The following RBM39 variants were observed in gnomAD, a reference collection of about 807,000 sequenced individuals.
RBM39 encodes RNA-binding protein 39.
Under a neutral mutation model 79.6 loss-of-function variants are expected in RBM39, and 12 were observed. The observed-to-expected ratio is 0.15, with a 90% confidence interval of 0.10 to 0.24. The LOEUF is 0.24. RBM39 is among the 10% of genes least tolerant of loss of function. The pLI is 1.00. For missense variants in RBM39, 243 were observed against 653.4 expected (o/e 0.37, Z 6.85); for synonymous variants, 185 against 208.4 (o/e 0.89, Z 0.97).
chr20:35,725,222 T>C, intron 6 of RBM39, 67 bp from the exon 7 acceptor site: 1 of 1,125,142 alleles, frequency 8.9e-7, no homozygotes, highest in Non-Finnish European at 1.3e-6. Flanking sequence ...ATCTTTTTTA[T>C]TTCTTCATAT....
intron 10 of RBM39, among the ~76,000 whole-genome samples, chr20:35,716,505 T>C (rs1370987692): frequency 6.6e-6 from 1 of 152,208 alleles, no homozygotes; most frequent in Non-Finnish European, 1.5e-5. Context: ...ATGATTTGGT[T>C]TTCACATTCA....
intron 8 of RBM39, among the ~76,000 whole-genome samples, chr20:35,723,160 A>G (rs1270575070): frequency 1.3e-5 from 2 of 152,050 alleles, no homozygotes; most frequent in Non-Finnish European, 2.9e-5. Context: ...TGTATATGCC[A>G]TAACATAAAA....
At chr20:35,712,532 A>C (rs1237503845) in intron 12 of RBM39, among the ~76,000 whole-genome samples, 1 of 151,704 alleles carries the variant, frequency 6.6e-6, no homozygotes, top group East Asian at 1.9e-4. Context: ...TAATTGTAAA[A>C]ACGTCAATTC....
At chr20:35,705,635 T>G (rs1468857215) in intron 14 of RBM39, among the ~76,000 whole-genome samples, 1 of 151,782 alleles carries the variant, frequency 6.6e-6, no homozygotes, top group Non-Finnish European at 1.5e-5. Flanking sequence ...CGGTCTCTAC[T>G]GAAAATCCAA....
intron 3 of RBM39, chr20:35,732,784 A>G (rs906663210): frequency 1.3e-5 from 2 of 152,336 alleles, no homozygotes; most frequent in Admixed American, 6.5e-5. Context: ...CAAAAGCATT[A>G]CTGTAATCCA....
chr20:35,713,418 C>G (rs573909388), intron 11 of RBM39: 2 of 187,838 alleles, frequency 1.1e-5, no homozygotes, highest in South Asian at 1.9e-4. Context: ...CTCCCCCTCC[C>G]AAGTTCAAGT....
chr20:35,722,461 T>TTTTTTTTG (rs1168931872), intron 8 of RBM39, among the ~76,000 whole-genome samples: 4 of 144,936 alleles, frequency 2.8e-5, no homozygotes, highest in Admixed American at 2.7e-4. Context: ...TTAGAGGCTT[T>TTTTTTTTG]TTTTTTTTTT....
Position 35,703,826 on chromosome 20 carries a change from C to A in RBM39, c.*655G>T, listed in dbSNP as rs1483556261. ...CCTATTTCTTTCTCAGACTGCTTTG[C>A]CTACCAGACTCTCACGTTTAAACAT... is the stretch of plus-strand genomic sequence containing the variant. On this transcript the variant is annotated 3_prime_UTR_variant, in exon 17 of 17. Transcript: ENST00000253363. 1 of 152,386 alleles carries A rather than the reference C, an allele frequency of 6.6e-6. No homozygotes were observed. Among genetic ancestry groups the A allele is most frequent in the Non-Finnish European group, 1.5e-5 (1 of 68,052 alleles). The allele number at this position is 152,386 out of a possible 1,614,324, so 9.4% of individuals were successfully genotyped here.
At chr20:35,731,771 T>C (rs2146686928) in intron 4 of RBM39, 170 bp downstream of exon 4, 1 of 699,022 alleles carries the variant, frequency 1.4e-6, no homozygotes, top group South Asian at 1.9e-5. Context: ...TATTTGTCTA[T>C]GCACTGTATT....
chr20:35,717,525 G>C (rs2037301519), intron 9 of RBM39, among the ~76,000 whole-genome samples: 1 of 152,000 alleles, frequency 6.6e-6, no homozygotes, highest in South Asian at 2.1e-4. Context: ...AATTATACCA[G>C]ACAGAATCGT....
chr20:35,732,236 T>C (rs1266554375), intron 3 of RBM39, 101 bp from the exon 4 acceptor site: 2 of 1,157,808 alleles, frequency 1.7e-6, no homozygotes, highest in Admixed American at 4.1e-5. Flanking sequence ...TTCATAAATT[T>C]CTTTGGCTAG....
intron 9 of RBM39, among the ~76,000 whole-genome samples, chr20:35,718,361 T>G (rs1472722868): frequency 1.3e-5 from 2 of 151,594 alleles, no homozygotes; most frequent in Admixed American, 1.3e-4. Flanking sequence ...GATAAGATAT[T>G]CTAGGAGCAT....
At chr20:35,726,079 A>G (rs557546161) in intron 6 of RBM39, among the ~76,000 whole-genome samples, 1 of 152,346 alleles carries the variant, frequency 6.6e-6, no homozygotes, top group East Asian at 1.9e-4. Flanking sequence ...CACATCTTAC[A>G]TGGCATTAGC....
chr20:35,736,612 T>A (rs1040867895), intron 3 of RBM39: 3 of 467,446 alleles, frequency 6.4e-6, no homozygotes, highest in African/African-American at 4.0e-5. Context: ...AATGGCTATT[T>A]TTCTCTCGTT....
In RBM39 at chr20:35,742,009, T is replaced by C. The variant is rs543109948; in HGVS notation, c.-82A>G. 4.8e-4 allele frequency: 114 copies of C among 238,264 alleles called. 2 individuals carry two copies. Among genetic ancestry groups the C allele is most frequent in the South Asian group, 2.9e-3 (69 of 23,746 alleles). 14.8% of individuals were successfully genotyped at this position (238,264 alleles called of 1,614,324 possible). A position where few individuals can be genotyped will look rare whatever the true frequency, so the allele number is the denominator to read the frequency against. On this transcript the variant is annotated 5_prime_UTR_variant, in exon 1 of 17. Transcript: ENST00000253363. Reference sequence around the variant, plus strand: ...AGATTGCTGCTGCTGCTGCTGCTGCTGCCGCCGCCGCCGCTTCTGTTGCTA... The same window carrying C: ...AGATTGCTGCTGCTGCTGCTGCTGCCGCCGCCGCCGCCGCTTCTGTTGCTA...
rs370217757 is a variant in RBM39 at position 35,701,646 on chromosome 20, C to G, written c.*2835G>C. On this transcript the variant is annotated 3_prime_UTR_variant, in exon 17 of 17. Coordinates refer to ENST00000253363, the MANE Select transcript of RBM39 (RefSeq NM_184234.3). Reference sequence around the variant, plus strand: ...ACACGCGCCTGTATTCCCAGCTACTCGGGAGGCTGAGGCAGGAGAATCGCT... The same window carrying G: ...ACACGCGCCTGTATTCCCAGCTACTGGGGAGGCTGAGGCAGGAGAATCGCT... 6.6e-6 allele frequency: 1 copy of G among 151,992 alleles called. No homozygotes were observed. The highest frequency in any genetic ancestry group is 2.4e-5 in the African/African-American group (1 of 41,328). The allele number at this position is 151,992 out of a possible 1,614,324, so 9.4% of individuals were successfully genotyped here.
chr20:35,731,495 C>CAA (rs3056766), intron 4 of RBM39: 134,082 of 156,358 alleles, frequency 0.86, 57,964 homozygotes, highest in East Asian at 1. Flanking sequence ...GCCACGGTGA[C>CAA]AGACTTTTTA....
At chr20:35,734,829 G>T in intron 3 of RBM39, 1 of 1,408,226 alleles carries the variant, frequency 7.1e-7, no homozygotes, top group Non-Finnish European at 9.3e-7. Context: ...GCTTCAAAGA[G>T]CATTTATTAC....
At chr20:35,713,513 T>C (rs987698450) in intron 11 of RBM39, 76 of 157,234 alleles carry the variant, frequency 4.8e-4, no homozygotes, top group Non-Finnish European at 6.3e-4. Context: ...TTAGCAGAGA[T>C]AGGGTTTCTC....
Sources: gnomAD v4.1 joint callset for allele counts (sites outside exome capture counted in the v4.1 genomes callset) on GRCh38, gnomAD v4.1.1 for gene constraint, MANE v1.5 for transcripts, NCBI Gene and HGNC (gene_info 2026-07-23, HGNC 2026-07-21) for gene names.